HSPG2: variants seen among roughly 807,000 people sequenced by gnomAD.
HSPG2 encodes the protein heparan sulfate proteoglycan 2.
HSPG2 carries 278 observed loss-of-function variants against 526.6 expected under a neutral mutation model. The observed-to-expected ratio is 0.53, with a 90% CI of 0.48 to 0.58. The LOEUF (loss-of-function observed/expected upper bound fraction) is 0.58, where lower values mean the gene tolerates loss of function less well. Ranked by LOEUF, HSPG2 falls within the 20% of genes least tolerant of loss-of-function variation. HSPG2 has a pLI of 0.00. For synonymous variants in HSPG2, 2,465 were observed against 2,555.4 expected (o/e 0.96, Z 1.07); for missense variants, 5,354 against 6,099.5 (o/e 0.88, Z 4.07).
rs1267724851 is a variant in HSPG2 at position 21,834,752 on chromosome 1, A to G, written c.10647T>C (p.Asp3549=). ...VVRIAHVELA[D]AGQYRCTATN... ...TGGCAGTGCAGCGATACTGTCCCGC[A>G]TCAGCCAGCTCTACGTGGGCGATCC... The change falls in exon 77 of 97, where the codon GAT becomes GAC. Residue 3549 remains aspartate (D), a synonymous_variant. Transcript: ENST00000374695. 6.2e-7 allele frequency: 1 copy of G among 1,614,066 alleles called. No individual in the cohort carries two copies. The highest frequency in any genetic ancestry group is 8.5e-7 in the Non-Finnish European group (1 of 1,180,030).
rs1572243568 is a variant in HSPG2, at chr1:21,855,875, A to G, written c.5613T>C (p.His1871=). The change falls in exon 45 of 97, where the codon CAT becomes CAC. Residue 1871 remains histidine, a synonymous_variant. Coordinates refer to ENST00000374695, the MANE Select transcript of HSPG2 (RefSeq NM_005529.7). ...GTLSAPVVSI[H]PPQLTVQPGQ... ...CGGGCTGCACTGTGAGCTGTGGCGG[A>G]TGGATGGAGACCACGGGGGCGGACA... 1.9e-6 allele frequency: 3 copies of G among 1,612,286 alleles called. No individual in the cohort carries two copies. The highest frequency in any genetic ancestry group is 2.5e-6 in the Non-Finnish European group (3 of 1,179,990).
At chr1:21,868,963 A>C (rs1424547187) in intron 33 of HSPG2, 12 of 968,958 alleles carry the variant, frequency 1.2e-5, no homozygotes, top group African/African-American at 1.8e-5. Flanking sequence ...CGTAGGAGAG[A>C]GAGAACTAGG....
At chr1:21,850,525 G>A in intron 55 of HSPG2, 27 bp from the exon 56 acceptor site, 2 of 1,577,874 alleles carry the variant, frequency 1.3e-6, no homozygotes, top group Non-Finnish European at 1.7e-6. Context: ...TGAGTCAGAG[G>A]GAGCCCTCAG....
intron 1 of HSPG2, chr1:21,908,421 C>T (rs953480935): frequency 1.6e-4 from 139 of 881,870 alleles, no homozygotes; most frequent in Non-Finnish European, 2.4e-4. Context: ...TCCTGAAACG[C>T]GTGAAGGAGA....
In HSPG2 at chr1:21,824,260, G is replaced by C. The variant is rs372638570; in HGVS notation, c.12815+46C>G. On this transcript the variant is annotated intron_variant, in intron 94 of 96. Coordinates refer to ENST00000374695, the MANE Select transcript of HSPG2 (RefSeq NM_005529.7). The surrounding 1 kb of genome is among the most constrained non-coding windows in gnomAD (Gnocchi z 5.9). ...CTGGGGCAGGACCGGGGGGTGGGGT[G>C]CTGGGACCAGGGAAGGGAGAGGAAG... 1.2e-5 allele frequency: 19 copies of C among 1,612,730 alleles called. No homozygotes were observed. The East Asian group carries it at 3.8e-4, about 32-fold the overall frequency.
intron 64 of HSPG2, 79 bp from the exon 65 acceptor site, chr1:21,844,378 G>A: frequency 6.8e-7 from 1 of 1,472,568 alleles, no homozygotes. Context: ...CCAGATACTA[G>A]GACCAGAGGC....
Position 21,852,824 on chromosome 1 carries a change from G to A in HSPG2, c.6600C>T (p.Gly2200=), listed in dbSNP as rs1386516051. The change falls in exon 52 of 97, where the codon GGC becomes GGT. Residue 2200 remains glycine (G), a synonymous_variant. Transcript: ENST00000374695. ...TCACCTGGTGCAGCCGCAGCAGCGA[G>A]CCGTGGGTCTGTGTGCAAATGGGGT... The part of the protein sequence containing the change: ...GSLPARHQTH[G]SLLRLHQVTP... 6.8e-6 allele frequency: 11 copies of A among 1,612,430 alleles called. No individual in the cohort carries two copies. The highest frequency in any genetic ancestry group is 9.3e-6 in the Non-Finnish European group (11 of 1,179,748).
At chr1:21,837,120 C>T in intron 74 of HSPG2, 114 bp from the exon 75 acceptor site, 2 of 954,410 alleles carry the variant, frequency 2.1e-6, no homozygotes, top group South Asian at 2.8e-5. Context: ...CTCCTGATAG[C>T]CTCTCTGACC....
At chr1:21,849,964 C>T (rs1638758006) in intron 57 of HSPG2, 77 bp downstream of exon 57, 3 of 1,574,130 alleles carry the variant, frequency 1.9e-6, no homozygotes, top group Non-Finnish European at 2.6e-6. Context: ...AGGCGTGAGC[C>T]ACTGCGCCCG....
chr1:21,870,996 G>C (rs1640601021), intron 33 of HSPG2: 1 of 459,892 alleles, frequency 2.2e-6, no homozygotes, highest in South Asian at 9.3e-5. Flanking sequence ...GGACCAGAAG[G>C]CAGCCAGCCC....
At position 21,895,571 on chromosome 1, in the gene HSPG2, AG is replaced by A. The variant is rs1285160254; in HGVS notation, c.244+350del. ...GGATCCCCAGCTCTGTGCCCCCAGG[AG>A]GGCTCTGGGGAAGGACTCAACAGCT... On this transcript the variant is annotated intron_variant, in intron 3 of 96. Transcript: ENST00000374695. This position sits in a 1 kb window ranked among gnomAD's most constrained non-coding sequence, Gnocchi z 4.1. Among the ~76,000 whole-genome samples the A allele has an allele frequency of 9.9e-5, 15 of 152,106 alleles. No homozygotes were observed. The highest frequency in any genetic ancestry group is 2.9e-5 in the Non-Finnish European group (2 of 67,988).
rs1408776747 is a variant in HSPG2 at position 21,889,978 on chromosome 1, C to G, written c.574+3G>C. The G allele has an allele frequency of 6.2e-7, 1 of 1,614,036 alleles. No individual in the cohort carries two copies. Among genetic ancestry groups the G allele is most frequent in the Non-Finnish European group, 8.5e-7 (1 of 1,179,936 alleles). On this transcript the variant is annotated splice_donor_region_variant and intron_variant, in intron 6 of 96. Transcript: ENST00000374695. Reference sequence around the variant, plus strand: ...GCGATCCCAGACACCAGGATAGGCTCACCTGTGCCCAGGCGTCGGAACTGG... The same window carrying G: ...GCGATCCCAGACACCAGGATAGGCTGACCTGTGCCCAGGCGTCGGAACTGG...
chr1:21,906,970 A>T (rs921598178), intron 1 of HSPG2, among the ~76,000 whole-genome samples: 1 of 152,130 alleles, frequency 6.6e-6, no homozygotes, highest in African/African-American at 2.4e-5. Flanking sequence ...GCAAGGCCCC[A>T]TGGAAGGAAA....
chr1:21,866,722 C>T (rs923676083), intron 33 of HSPG2, among the ~76,000 whole-genome samples: 6 of 152,176 alleles, frequency 3.9e-5, no homozygotes, highest in Admixed American at 2.6e-4. Context: ...CAGCTCTGTC[C>T]CACAGGACTT....
chr1:21,839,325 G>A lies in HSPG2; in HGVS notation c.9889+46C>T, dbSNP rs564392270. 7.0e-5 allele frequency: 111 copies of A among 1,590,916 alleles called. 1 individual carries two copies. The South Asian group carries it at 8.9e-4, about 13-fold the overall frequency. ...GTGTGGGGTGGAGCCTAGTCGGGGGGCTCAGATCTCCATTTGGTGCAGACA... is the reference window on the plus strand; with the variant it reads ...GTGTGGGGTGGAGCCTAGTCGGGGGACTCAGATCTCCATTTGGTGCAGACA... On this transcript the variant is annotated intron_variant, in intron 73 of 96. Transcript: ENST00000374695. The surrounding 1 kb of genome is among the most constrained non-coding windows in gnomAD (Gnocchi z 4.5).
chr1:21,846,357 C>T, intron 63 of HSPG2, 91 bp downstream of exon 63: 1 of 1,608,904 alleles, frequency 6.2e-7, no homozygotes, highest in South Asian at 1.1e-5. Context: ...GGTACTGCAC[C>T]CCACGGGGGC....
Position 21,823,384 on chromosome 1 carries a change from G to C in HSPG2, c.13108C>G (p.Pro4370Ala). 6.4e-7 allele frequency: 1 copy of C among 1,555,204 alleles called. No individual in the cohort carries two copies. The highest frequency in any genetic ancestry group is 1.4e-5 in the African/African-American group (1 of 73,920). ...VLHSARPGAP[P>A]PQPLDLQHRA... is the part of the protein sequence containing the mutation. ...TGCTGCAGGTCCAGGGGCTGTGGGG[G>C]CGGGGCGCCGGGTCGGGCCGAGTGC... is the stretch of plus-strand genomic sequence containing the variant. Residue 4370 changes from proline to alanine, a missense_variant, in exon 97 of 97, where the codon CCC (proline) becomes GCC (alanine). Transcript: ENST00000374695.
intron 1 of HSPG2, among the ~76,000 whole-genome samples, chr1:21,914,652 G>C (rs1643837119): frequency 6.6e-6 from 1 of 152,172 alleles, no homozygotes; most frequent in Non-Finnish European, 1.5e-5. Context: ...CAGACCAGCT[G>C]CAGCTCCTTG....
At position 21,887,330 on chromosome 1, in the gene HSPG2, G is replaced by T. The variant is rs756161015; in HGVS notation, c.963C>A (p.Pro321=). Residue 321 remains proline (P), a synonymous_variant, in exon 9 of 97, where the codon CCC becomes CCA. Coordinates refer to ENST00000374695, the MANE Select transcript of HSPG2 (RefSeq NM_005529.7). This position sits in a 1 kb window ranked among gnomAD's most constrained non-coding sequence, Gnocchi z 5.0. ...EDGSDELDCG[P]PPPCEPNEFP... ...ACTCGTTGGGCTCACAGGGTGGCGG[G>T]GGGCCTAGGAGACCGGGCAGGGGTC... The T allele has an allele frequency of 1.2e-6, 2 of 1,614,026 alleles. No individual in the cohort carries two copies. Among genetic ancestry groups the T allele is most frequent in the South Asian group, 2.2e-5 (2 of 91,076 alleles).
Sources: gnomAD v4.1 joint callset for allele counts (sites outside exome capture counted in the v4.1 genomes callset) on GRCh38, gnomAD v4.1.1 for gene constraint, Gnocchi (gnomAD v3.1) non-coding constraint, MANE v1.5 for transcripts, NCBI Gene and HGNC (gene_info 2026-07-23, HGNC 2026-07-21) for gene names.